Variants in SHOC2 observed in about 807,000 individuals in gnomAD.
SHOC2 encodes the protein SHOC2 leucine rich repeat scaffold protein.
A neutral mutation model predicts 50.2 loss-of-function variants in SHOC2; 4 were observed. The observed-to-expected ratio is 0.08, with a 90% confidence interval of 0.04 to 0.18. SHOC2 has a LOEUF of 0.18. SHOC2 is among the 10% of genes least tolerant of loss of function. The pLI, the probability that SHOC2 is intolerant of heterozygous loss-of-function variation, is 1.00. For missense variants in SHOC2, 388 were observed against 669.6 expected (o/e 0.58, Z 4.64); for synonymous variants, 218 against 244.5 (o/e 0.89, Z 1.01).
At position 110,940,935 on chromosome 10, in the gene SHOC2, T is replaced by G. The variant is rs1253723900; in HGVS notation, c.-235+21278T>G. ...GTTTTTTTTTTTTTTTTTTTTTTTT[T>G]TTTTTTTTTTTTTGTGACAGGGTCT... On this transcript the variant is annotated intron_variant, in intron 1 of 8. Coordinates refer to ENST00000369452, the MANE Select transcript of SHOC2 (RefSeq NM_007373.4). Among the ~76,000 whole-genome samples the G allele has an allele frequency of 4.7e-4, 13 of 27,884 alleles. 1 individual carries two copies. The highest frequency in any genetic ancestry group is 8.2e-4 in the African/African-American group (7 of 8,508). The allele number at this position is 27,884 out of a possible 152,430, so 18.3% of individuals were successfully genotyped here. A position where few individuals can be genotyped will look rare whatever the true frequency, so the allele number is the denominator to read the frequency against.
intron 1 of SHOC2, among the ~76,000 whole-genome samples, chr10:110,928,154 T>TA (rs376917837): frequency 6.3e-4 from 96 of 151,936 alleles, no homozygotes; most frequent in African/African-American, 2.2e-3. Context: ...CTGTCTTTAC[T>TA]AAAAAAACAA....
intron 8 of SHOC2, among the ~76,000 whole-genome samples, chr10:111,010,708 G>A (rs1368871596): frequency 6.6e-6 from 1 of 151,950 alleles, no homozygotes; most frequent in Non-Finnish European, 1.5e-5. Context: ...GGAGATAATT[G>A]ACAATTCAAA....
At chr10:110,938,434 T>C (rs1184519746) in intron 1 of SHOC2, among the ~76,000 whole-genome samples, 2 of 152,180 alleles carry the variant, frequency 1.3e-5, no homozygotes, top group South Asian at 2.1e-4. Flanking sequence ...ATCATTTCAG[T>C]ATTTTTAAAA....
intron 1 of SHOC2, among the ~76,000 whole-genome samples, chr10:110,955,872 G>GT (rs1369770232): frequency 6.6e-6 from 1 of 152,148 alleles, no homozygotes; most frequent in Admixed American, 6.5e-5. Context: ...TCGTTGAAGA[G>GT]TTAGGAGGAA....
chr10:110,960,056 A>G (rs778248250), intron 1 of SHOC2, among the ~76,000 whole-genome samples: 8 of 152,182 alleles, frequency 5.3e-5, no homozygotes, highest in Non-Finnish European at 8.8e-5. Context: ...GGCAGCCTAC[A>G]TTTTTTACTT....
intron 1 of SHOC2, among the ~76,000 whole-genome samples, chr10:110,931,046 CT>C (rs1490944590): frequency 6.6e-6 from 1 of 152,046 alleles, no homozygotes; most frequent in Non-Finnish European, 1.5e-5. Flanking sequence ...CACGTAAAGT[CT>C]TTTGCTTTCC....
chr10:110,943,512 T>G (rs954336736), intron 1 of SHOC2, among the ~76,000 whole-genome samples: 9 of 152,222 alleles, frequency 5.9e-5, no homozygotes, highest in Non-Finnish European at 1.2e-4. Context: ...TTCCTTTAGT[T>G]CATTGAACAT....
chr10:110,992,071 T>A (rs1289170120), intron 3 of SHOC2, among the ~76,000 whole-genome samples: 1 of 152,192 alleles, frequency 6.6e-6, no homozygotes, highest in Non-Finnish European at 1.5e-5. Flanking sequence ...CCTTTTCCTT[T>A]TTTTCTTTTT....
At chr10:110,944,826 A>G (rs1847217070) in intron 1 of SHOC2, among the ~76,000 whole-genome samples, 1 of 152,214 alleles carries the variant, frequency 6.6e-6, no homozygotes, top group African/African-American at 2.4e-5. Flanking sequence ...AGATTTCTTT[A>G]CATGCCTGGA....
At chr10:110,984,839 C>G (rs1050914566) in intron 2 of SHOC2, among the ~76,000 whole-genome samples, 1 of 152,038 alleles carries the variant, frequency 6.6e-6, no homozygotes, top group African/African-American at 2.4e-5. Flanking sequence ...TATATAACAT[C>G]AGAACACATG....
intron 3 of SHOC2, among the ~76,000 whole-genome samples, chr10:110,989,836 G>T (rs1365822845): frequency 6.6e-6 from 1 of 151,884 alleles, no homozygotes; most frequent in Non-Finnish European, 1.5e-5. Context: ...TATATTCAGG[G>T]TATATATGCT....
chr10:110,965,181 CT>C (rs1332313778), intron 2 of SHOC2, 120 bp downstream of exon 2: 2 of 835,380 alleles, frequency 2.4e-6, no homozygotes, highest in African/African-American at 3.4e-5. Context: ...TAAATTACAA[CT>C]TTTTTATGGT....
chr10:111,008,988 T>C (rs1275438891), intron 6 of SHOC2, among the ~76,000 whole-genome samples: 1 of 152,156 alleles, frequency 6.6e-6, no homozygotes, highest in Non-Finnish European at 1.5e-5. Flanking sequence ...TATTGAGCAT[T>C]TTTTTGAAAT....
At chr10:110,932,980 C>T (rs1193106993) in intron 1 of SHOC2, among the ~76,000 whole-genome samples, 1 of 152,158 alleles carries the variant, frequency 6.6e-6, no homozygotes, top group East Asian at 1.9e-4. Context: ...TGAGTCATAT[C>T]ATTCCATGTA....
At position 110,925,094 on chromosome 10, in the gene SHOC2, T is replaced by A. The variant is rs202035667; in HGVS notation, c.-235+5437T>A. On this transcript the variant is annotated intron_variant, in intron 1 of 8. Transcript: ENST00000369452. ...TCAAAAAAAAAAAAAAAAAAAAAAT[T>A]AAAATAAAAAGCAATACTTAAATGT... Among the ~76,000 whole-genome samples the A allele has an allele frequency of 2.6e-3, 311 of 118,896 alleles. 5 individuals carry two copies. Among genetic ancestry groups the A allele is most frequent in the East Asian group, 8.8e-3 (41 of 4,636 alleles). The allele number at this position is 118,896 out of a possible 152,430, so 78.0% of individuals were successfully genotyped here. A position where few individuals can be genotyped will look rare whatever the true frequency, so the allele number is the denominator to read the frequency against.
At chr10:110,920,083 C>T (rs2134060996) in intron 1 of SHOC2, 1 of 151,234 alleles carries the variant, frequency 6.6e-6, no homozygotes, top group South Asian at 2.1e-4. Context: ...GGGCCCAGTC[C>T]GCAGGGCGCC....
rs1418386730 is a variant in SHOC2 at position 110,964,692 on chromosome 10, A to G, written c.334A>G (p.Ile112Val). 1.9e-6 allele frequency: 3 copies of G among 1,614,162 alleles called. No homozygotes were observed. The highest frequency in any genetic ancestry group is 2.5e-6 in the Non-Finnish European group (3 of 1,179,988). Residue 112 changes from isoleucine to valine, a missense_variant, in exon 2 of 9, where the codon ATA becomes GTA. Physicochemically the swap from Ile to Val is conservative, Grantham distance 29 (BLOSUM62 3). Around this residue, in one of 5 missense-constraint regions of SHOC2, gnomAD observed 121 missense variants for 145.5 expected, o/e 0.83. Transcript: ENST00000369452. This position sits in a 1 kb window ranked among gnomAD's most constrained non-coding sequence, Gnocchi z 4.9. ...GCGTTTGGACTTATCCAAGAGATCT[A>G]TACACATATTGCCATCATCAATCAA... ...SMRLDLSKRS[I>V]HILPSSIKEL...
intron 3 of SHOC2, 167 bp downstream of exon 3, chr10:110,985,932 T>A: frequency 8.0e-6 from 5 of 628,362 alleles, no homozygotes; most frequent in Non-Finnish European, 1.4e-5. Flanking sequence ...TTTCCTTTTC[T>A]TGGCAAAGAA....
At chr10:110,953,116 GT>G (rs1170335185) in intron 1 of SHOC2, among the ~76,000 whole-genome samples, 2 of 152,058 alleles carry the variant, frequency 1.3e-5, no homozygotes, top group African/African-American at 4.8e-5. Context: ...GGTATTTCTG[GT>G]TCTAGATCCT....
Sources: gnomAD v4.1 joint callset for allele counts (sites outside exome capture counted in the v4.1 genomes callset) on GRCh38, gnomAD v4.1.1 for gene constraint, gnomAD v4.1.1 regional missense constraint, Gnocchi (gnomAD v3.1) non-coding constraint, MANE v1.5 for transcripts, NCBI Gene and HGNC (gene_info 2026-07-23, HGNC 2026-07-21) for gene names.